Variants in VPS36 observed in about 807,000 individuals in gnomAD.
VPS36 encodes vacuolar protein-sorting-associated protein 36.
A neutral mutation model predicts 63.5 loss-of-function variants in VPS36; 31 were observed. That is an observed-to-expected ratio of 0.49 (90% CI 0.37 to 0.66). The LOEUF is 0.66. VPS36 is among the 30% of genes least tolerant of loss of function. VPS36 has a pLI of 0.00. For missense variants in VPS36, 338 were observed against 463.7 expected (o/e 0.73, Z 2.49); for synonymous variants, 138 against 157.2 (o/e 0.88, Z 0.91).
chr13:52,425,183 G>A (rs1393524618), intron 9 of VPS36, among the ~76,000 whole-genome samples: 4 of 150,438 alleles, frequency 2.7e-5, no homozygotes, highest in African/African-American at 9.8e-5. Context: ...AACCTGGGAG[G>A]CGGAGCTTGC....
intron 10 of VPS36, among the ~76,000 whole-genome samples, chr13:52,418,851 A>G (rs1958019363): frequency 6.6e-6 from 1 of 152,214 alleles, no homozygotes; most frequent in Non-Finnish European, 1.5e-5. Context: ...GCCTTAACAA[A>G]TCAGCATAGT....
chr13:52,450,297 A>C, intron 1 of VPS36: 2 of 1,159,392 alleles, frequency 1.7e-6, no homozygotes, highest in Non-Finnish European at 2.1e-6. Flanking sequence ...CTGGGGAGGC[A>C]GCCGAGCGCC....
rs1958288555 is a variant in VPS36 at position 52,442,378 on chromosome 13, T to A, written c.164A>T (p.His55Leu). 3.1e-6 allele frequency: 5 copies of A among 1,603,410 alleles called. No homozygotes were observed. Among genetic ancestry groups the A allele is most frequent in the Non-Finnish European group, 3.4e-6 (4 of 1,177,256 alleles). The change falls in exon 2 of 14, where the codon CAT becomes CTT. Residue 55 changes from histidine (H) to leucine (L), a missense_variant and splice_region_variant. Coordinates refer to ENST00000378060, the MANE Select transcript of VPS36 (RefSeq NM_016075.4). ...HRLIWRDQKN[H>L]ECCMAILLSQ... is the part of the protein sequence containing the mutation. ...CAGATGCAAAAAACTGTATCTTACA[T>A]GATTTTTCTGATCTCTCCAAATCAG...
intron 12 of VPS36, 42 bp downstream of exon 12, chr13:52,417,015 C>T (rs1206319514): frequency 6.4e-7 from 1 of 1,557,074 alleles, no homozygotes; most frequent in Non-Finnish European, 8.8e-7. Context: ...TTCGGGTCTT[C>T]ATAGCAAGCT....
At chr13:52,450,201 GCTGTGCGCT>G (rs1435187510) in intron 1 of VPS36, 1 of 1,046,230 alleles carries the variant, frequency 9.6e-7, no homozygotes, top group African/African-American at 1.7e-5. Flanking sequence ...GGGCACTGCA[GCTGTGCGCT>G]CCCGGAAGCA....
intron 9 of VPS36, among the ~76,000 whole-genome samples, chr13:52,425,434 A>C (rs1006842106): frequency 6.6e-6 from 1 of 152,164 alleles, no homozygotes; most frequent in African/African-American, 2.4e-5. Flanking sequence ...GCTTTAAAAT[A>C]ATTTTGAGTG....
chr13:52,430,935 G>A (rs1371543088), intron 6 of VPS36, among the ~76,000 whole-genome samples: 1 of 151,680 alleles, frequency 6.6e-6, no homozygotes, highest in Non-Finnish European at 1.5e-5. Flanking sequence ...GGCACTCAAA[G>A]AAAGAAAATG....
intron 9 of VPS36, 125 bp downstream of exon 9, chr13:52,425,806 GA>G (rs371686906): frequency 1.3e-3 from 1,258 of 946,830 alleles, no homozygotes; most frequent in African/African-American, 6.5e-3. Flanking sequence ...ATACCTGAAA[GA>G]AAAAAAAAAC....
chr13:52,437,052 C>T (rs2137799563), intron 3 of VPS36, among the ~76,000 whole-genome samples: 1 of 151,812 alleles, frequency 6.6e-6, no homozygotes, highest in East Asian at 1.9e-4. Context: ...GTCTGTTTTC[C>T]TCCTTTTTTT....
chr13:52,433,994 G>A (rs1482561823), intron 5 of VPS36, among the ~76,000 whole-genome samples: 1 of 152,130 alleles, frequency 6.6e-6, no homozygotes, highest in African/African-American at 2.4e-5. Flanking sequence ...CTGCATTTTA[G>A]AGATAAGTTA....
chr13:52,450,549 T>G lies in VPS36; in HGVS notation c.46A>C (p.Thr16Pro). Residue 16 changes from threonine to proline, a missense_variant, in exon 1 of 14, where the codon ACC (threonine) becomes CCC (proline). By Grantham distance (38) the Thr-to-Pro change is conservative. Coordinates refer to ENST00000378060, the MANE Select transcript of VPS36 (RefSeq NM_016075.4). Reference sequence around the variant, plus strand: ...ACCCCGCGCTGCTGGATCACCAGGGTCTCGTTGATCTCCAGGAGGCCGCTG... The same window carrying G: ...ACCCCGCGCTGCTGGATCACCAGGGGCTCGTTGATCTCCAGGAGGCCGCTG... ...WTSGLLEINE[T>P]LVIQQRGVRI... 6.3e-7 allele frequency: 1 copy of G among 1,594,714 alleles called. No homozygotes were observed. Among genetic ancestry groups the G allele is most frequent in the Admixed American group, 1.7e-5 (1 of 58,026 alleles).
At chr13:52,450,363 AG>A in intron 1 of VPS36, 135 bp downstream of exon 1, 1 of 1,233,078 alleles carries the variant, frequency 8.1e-7, no homozygotes, top group South Asian at 2.9e-5. Flanking sequence ...CCCCGCACAG[AG>A]GCCTGCCGGG....
chr13:52,438,629 C>T (rs893012777), intron 3 of VPS36, among the ~76,000 whole-genome samples: 4 of 152,210 alleles, frequency 2.6e-5, no homozygotes, highest in African/African-American at 9.6e-5. Flanking sequence ...GTGGCCTCAT[C>T]TCCTGGTGTG....
Position 52,413,847 on chromosome 13 carries a change from A to C in VPS36, c.*1983T>G, listed in dbSNP as rs1957968621. 1 of 152,586 alleles carries C rather than the reference A, an allele frequency of 6.6e-6. No individual in the cohort carries two copies. Among genetic ancestry groups the C allele is most frequent in the Non-Finnish European group, 1.5e-5 (1 of 68,038 alleles). The allele number at this position is 152,586 out of a possible 1,614,324, so 9.5% of individuals were successfully genotyped here. A position where few individuals can be genotyped will look rare whatever the true frequency, so the allele number is the denominator to read the frequency against. ...AAAAAAGATAAAAATACACAAATAC[A>C]TACAAAGGTCTCGAAACAGTGAAGA... On this transcript the variant is annotated 3_prime_UTR_variant, in exon 14 of 14. Coordinates refer to ENST00000378060, the MANE Select transcript of VPS36 (RefSeq NM_016075.4).
chr13:52,440,027 G>A (rs1454585682), intron 2 of VPS36, among the ~76,000 whole-genome samples: 1 of 149,650 alleles, frequency 6.7e-6, no homozygotes, highest in East Asian at 2.0e-4. Flanking sequence ...TGCCCAAGCT[G>A]GAGTGCAGTA....
chr13:52,428,438 A>T (rs1239739896), intron 6 of VPS36, among the ~76,000 whole-genome samples: 1 of 152,220 alleles, frequency 6.6e-6, no homozygotes, highest in African/African-American at 2.4e-5. Flanking sequence ...CTAAAAGAAT[A>T]GTGTGTTGCG....
At chr13:52,436,083 C>T (rs1958212271) in intron 4 of VPS36, 1 of 427,276 alleles carries the variant, frequency 2.3e-6, no homozygotes, top group African/African-American at 2.0e-5. Context: ...CTCTGCTTCC[C>T]ATTCCCACTG....
chr13:52,429,984 G>C (rs1230850413), intron 6 of VPS36, among the ~76,000 whole-genome samples: 1 of 152,014 alleles, frequency 6.6e-6, no homozygotes, highest in African/African-American at 2.4e-5. Context: ...CTTCAATTAC[G>C]GGAGGGTCCA....
At chr13:52,417,184 G>C in intron 11 of VPS36, 43 bp from the exon 12 acceptor site, 1 of 1,547,952 alleles carries the variant, frequency 6.5e-7, no homozygotes, top group Non-Finnish European at 8.9e-7. Flanking sequence ...AATTATCTAG[G>C]ATATTCAACT....
Sources: allele counts gnomAD v4.1 joint callset (sites outside exome capture counted in the v4.1 genomes callset), GRCh38; gene constraint gnomAD v4.1.1; transcripts MANE v1.5; gene names NCBI Gene and HGNC (gene_info 2026-07-23, HGNC 2026-07-21).